The following CNGB1 variants were observed in gnomAD, a reference collection of about 807,000 sequenced individuals.
The protein encoded by CNGB1 is cyclic nucleotide gated channel subunit beta 1.
A neutral mutation model predicts 151.7 loss-of-function variants in CNGB1; 126 were observed. The observed-to-expected ratio is 0.83, with a 90% CI of 0.72 to 0.96. The LOEUF (loss-of-function observed/expected upper bound fraction) is 0.96, where lower values mean the gene tolerates loss of function less well. Ranked by LOEUF, CNGB1 falls within the 40% of genes least tolerant of loss-of-function variation. The probability of loss-of-function intolerance (pLI) is 0.00; values close to 1 mark genes in which losing one functional copy is unlikely to be tolerated. For synonymous variants in CNGB1, 623 were observed against 635.1 expected (o/e 0.98, Z 0.29); for missense variants, 1,698 against 1,627.0 (o/e 1.04, Z -0.75).
intron 1 of CNGB1, among the ~76,000 whole-genome samples, chr16:57,970,764 C>T (rs577566737): frequency 1.3e-5 from 2 of 152,272 alleles, no homozygotes; most frequent in East Asian, 1.9e-4. Flanking sequence ...GGGGGACCCA[C>T]GAGTGGCAGC....
At position 57,931,723 on chromosome 16, in the gene CNGB1, TC is replaced by T; in HGVS notation, c.1527del (p.Thr510HisfsTer63). On this transcript the variant is annotated frameshift_variant, in exon 17 of 33. Coordinates refer to ENST00000251102, the MANE Select transcript of CNGB1 (RefSeq NM_001297.5). LOFTEE classifies it high-confidence loss of function. ...DTLIVPSSAS[G>X]THRKKLPSED... ...AGAAGCATAAAAGGTAACCTGTGTG[TC>T]CCCGAGGCTGAGCTTGGGACTATAA... 1 of 1,614,086 alleles carries T rather than the reference TC, an allele frequency of 6.2e-7. No homozygotes were observed. Among genetic ancestry groups the T allele is most frequent in the Non-Finnish European group, 8.5e-7 (1 of 1,180,016 alleles).
chr16:57,946,000 G>A (rs1961799437), intron 14 of CNGB1, among the ~76,000 whole-genome samples: 2 of 152,178 alleles, frequency 1.3e-5, no homozygotes. Flanking sequence ...GCTGTCTAGG[G>A]GCCATGTTAC....
In CNGB1 at chr16:57,931,705, TA is replaced by T; in HGVS notation, c.1535+10del. On this transcript the variant is annotated intron_variant, in intron 17 of 32. Transcript: ENST00000251102. ...TGCCGAGAAAAGCCCAAGAGAAGCA[TA>T]AAAGGTAACCTGTGTGTCCCCGAGG... The T allele has an allele frequency of 6.2e-7, 1 of 1,613,826 alleles. No individual in the cohort carries two copies. Among genetic ancestry groups the T allele is most frequent in the Non-Finnish European group, 8.5e-7 (1 of 1,179,962 alleles).
rs115780718 is a variant in CNGB1, at chr16:57,950,818, C to T, written c.875-278G>A. On this transcript the variant is annotated intron_variant, in intron 12 of 32. Coordinates refer to ENST00000251102, the MANE Select transcript of CNGB1 (RefSeq NM_001297.5). ...TATGGTTGATCCTGTTTGTTTCTCA[C>T]GGGGGATTCCTTCTTAAAGGTTTGT... 4.6e-3 allele frequency among the ~76,000 whole-genome samples: 698 copies of T among 152,312 alleles called. 3 individuals carry two copies. Among genetic ancestry groups the T allele is most frequent in the African/African-American group, 0.015 (633 of 41,554 alleles).
chr16:57,926,556 G>A (rs1429502254), intron 17 of CNGB1, among the ~76,000 whole-genome samples: 3 of 152,200 alleles, frequency 2.0e-5, no homozygotes. Context: ...AAAATTCATG[G>A]ATTCACTTTT....
chr16:57,903,545 T>C (rs1960447417), intron 27 of CNGB1, among the ~76,000 whole-genome samples: 1 of 151,982 alleles, frequency 6.6e-6, no homozygotes, highest in African/African-American at 2.4e-5. Flanking sequence ...CGCTCTTGGA[T>C]GGGGATGCAT....
intron 30 of CNGB1, 30 bp from the exon 31 acceptor site, chr16:57,897,573 T>G: frequency 6.2e-7 from 1 of 1,613,348 alleles, no homozygotes; most frequent in Non-Finnish European, 8.5e-7. Flanking sequence ...AAGGAGGCCC[T>G]TCAGAGACTG....
intron 11 of CNGB1, among the ~76,000 whole-genome samples, chr16:57,957,918 C>T (rs1962132607): frequency 6.6e-6 from 1 of 152,132 alleles, no homozygotes; most frequent in African/African-American, 2.4e-5. Flanking sequence ...CGTCCAATTG[C>T]ACCCAAGAAA....
Position 57,958,472 on chromosome 16 carries a change from C to T in CNGB1, c.775G>A (p.Val259Ile). 6.2e-7 allele frequency: 1 copy of T among 1,614,068 alleles called. No individual in the cohort carries two copies. Among genetic ancestry groups the T allele is most frequent in the Non-Finnish European group, 8.5e-7 (1 of 1,179,956 alleles). ...TRDPARLVAW[V>I]LHRLEMALPQ... ...AAGGCCATCTCCAGCCTGTGCAGGA[C>T]CCATGCCACCAGCCTGCAGGTGGGA... is the stretch of plus-strand genomic sequence containing the variant. Residue 259 changes from valine to isoleucine, a missense_variant, in exon 11 of 33, where the codon GTC becomes ATC. By Grantham distance (29) the Val-to-Ile change is conservative. Coordinates refer to ENST00000251102, the MANE Select transcript of CNGB1 (RefSeq NM_001297.5).
intron 12 of CNGB1, among the ~76,000 whole-genome samples, chr16:57,952,278 C>A (rs907559360): frequency 6.6e-6 from 1 of 152,160 alleles, no homozygotes; most frequent in African/African-American, 2.4e-5. Flanking sequence ...AAGGTGGAGG[C>A]AGAGCCAGGT....
intron 31 of CNGB1, among the ~76,000 whole-genome samples, chr16:57,892,665 C>A (rs34861637): frequency 0.17 from 25,974 of 151,972 alleles, 3,885 homozygotes; most frequent in African/African-American, 0.41. Context: ...CCAATCTCTT[C>A]CCCTAGACTC....
At chr16:57,893,568 CG>C in intron 31 of CNGB1, among the ~76,000 whole-genome samples, 1 of 152,186 alleles carries the variant, frequency 6.6e-6, no homozygotes, top group East Asian at 1.9e-4. Context: ...GAGGCCAAGG[CG>C]GGCAGATCGC....
In CNGB1 at chr16:57,915,246, T is replaced by C. The variant is rs768262031; in HGVS notation, c.2304+3A>G. The C allele has an allele frequency of 2.5e-6, 4 of 1,612,528 alleles. No individual in the cohort carries two copies. In the East Asian group the frequency reaches 8.9e-5, roughly 36 times the overall value. ...CCTGGGGTGGTGGGCCCAGCAGTCCTACCTTTAAACAGCGGGGCAGGCGGA... is the reference window on the plus strand; with the variant it reads ...CCTGGGGTGGTGGGCCCAGCAGTCCCACCTTTAAACAGCGGGGCAGGCGGA... On this transcript the variant is annotated splice_donor_region_variant and intron_variant, in intron 23 of 32. Coordinates refer to ENST00000251102, the MANE Select transcript of CNGB1 (RefSeq NM_001297.5).
chr16:57,920,503 G>C lies in CNGB1; in HGVS notation c.1685C>G (p.Ala562Gly), dbSNP rs1213983177. 6.2e-7 allele frequency: 1 copy of C among 1,614,072 alleles called. No individual in the cohort carries two copies. Among genetic ancestry groups the C allele is most frequent in the Middle Eastern group, 1.6e-4 (1 of 6,062 alleles). The change falls in exon 19 of 33, where the codon GCC (alanine) becomes GGC (glycine). Residue 562 changes from alanine to glycine, a missense_variant. Transcript: ENST00000251102. Reference sequence around the variant, plus strand: ...CTCCTGGAGCCGGTCGTTGATGATGGCGCTATTTGTGCTGGCCGTGGAGGC... The same window carrying C: ...CTCCTGGAGCCGGTCGTTGATGATGCCGCTATTTGTGCTGGCCGTGGAGGC... ...RAASTASTNS[A>G]IINDRLQELV...
intron 29 of CNGB1, 73 bp downstream of exon 29, chr16:57,901,279 C>T: frequency 1.4e-6 from 2 of 1,454,980 alleles, no homozygotes; most frequent in South Asian, 2.3e-5. Context: ...GCAGGCACCC[C>T]TCCAGCTCAG....
rs190049030 is a variant in CNGB1, at chr16:57,884,474, G to A, written c.3463-17C>T. On this transcript the variant is annotated splice_polypyrimidine_tract_variant and intron_variant, in intron 32 of 32. Transcript: ENST00000251102. ...GCTCTTGGCCTGGAATCCAGAAAGG[G>A]TGACTCGTGAGGCACAGACTCTCGG... 7.4e-6 allele frequency: 12 copies of A among 1,613,388 alleles called. No homozygotes were observed. In the East Asian group the frequency reaches 2.5e-4, roughly 33 times the overall value.
intron 16 of CNGB1, among the ~76,000 whole-genome samples, chr16:57,935,244 T>C (rs1961477140): frequency 6.6e-6 from 1 of 152,142 alleles, no homozygotes; most frequent in South Asian, 2.1e-4. Flanking sequence ...TTTCAGTGTA[T>C]TTGAGGTTAT....
In CNGB1 at chr16:57,882,659, G is replaced by A. The variant is rs1195284115; in HGVS notation, c.*1505C>T. The stretch of plus-strand genomic sequence containing the variant: ...TCCTTTATGTTCACTGTTGCAGGTG[G>A]AAACAAATGGCCTAATACTAGAATA... On this transcript the variant is annotated 3_prime_UTR_variant, in exon 33 of 33. Coordinates refer to ENST00000251102, the MANE Select transcript of CNGB1 (RefSeq NM_001297.5). 6.6e-6 allele frequency: 1 copy of A among 152,002 alleles called. No homozygotes were observed. Among genetic ancestry groups the A allele is most frequent in the African/African-American group, 2.4e-5 (1 of 41,382 alleles). 9.4% of individuals were successfully genotyped at this position (152,002 alleles called of 1,614,324 possible). A position where few individuals can be genotyped will look rare whatever the true frequency, so the allele number is the denominator to read the frequency against.
chr16:57,955,402 G>A (rs568168672), intron 12 of CNGB1: 1 of 1,537,318 alleles, frequency 6.5e-7, no homozygotes, highest in African/African-American at 1.4e-5. Flanking sequence ...TGGGTGGCTG[G>A]GTGGACAGGC....
Sources: allele counts gnomAD v4.1 joint callset (sites outside exome capture counted in the v4.1 genomes callset), GRCh38; gene constraint gnomAD v4.1.1; transcripts MANE v1.5; gene names NCBI Gene and HGNC (gene_info 2026-07-23, HGNC 2026-07-21).